PDE1A: variants seen among roughly 807,000 people sequenced by gnomAD.
The protein encoded by PDE1A is phosphodiesterase 1A, also known as dual specificity calcium/calmodulin-dependent 3',5'-cyclic nucleotide phosphodiesterase 1A.
In PDE1A, 35 loss-of-function variants were observed where a neutral mutation model predicts 61.7. The ratio of observed to expected loss-of-function variants is 0.57; its 90% CI spans 0.43 to 0.75. PDE1A has a LOEUF of 0.75. Ranked by LOEUF, PDE1A falls within the 30% of genes least tolerant of loss-of-function variation. The pLI is 0.00. For missense variants in PDE1A, 597 were observed against 630.6 expected, an observed-to-expected ratio of 0.95 and a Z score of 0.57; for synonymous variants, 232 against 213.2, an observed-to-expected ratio of 1.09 and a Z score of -0.77.
At chr2:182,142,525 C>G (rs1429485746), downstream of PDE1A, 1 of 152,192 alleles carries the variant, frequency 6.6e-6, no homozygotes, top group East Asian at 1.9e-4. Flanking sequence ...AGCATCCCAC[C>G]TGTCATTCTG....
At chr2:182,687,471 T>A in the PDE1A span, among the ~76,000 whole-genome samples, 1 of 151,952 alleles carries the variant, frequency 6.6e-6, no homozygotes, top group Non-Finnish European at 1.5e-5. Context: ...CAGCTGAGGG[T>A]CCTGACTGTT....
At chr2:182,609,501 C>A in the PDE1A span, among the ~76,000 whole-genome samples, 163 of 152,350 alleles carry the variant, frequency 1.1e-3, 1 homozygote, top group African/African-American at 3.6e-3. Flanking sequence ...TGAAGGTCTG[C>A]AGCCTCACTC....
intron 10 of PDE1A, among the ~76,000 whole-genome samples, chr2:182,199,419 A>T (rs1166074281): frequency 5.9e-5 from 9 of 151,796 alleles, no homozygotes; most frequent in Non-Finnish European, 8.8e-5. Flanking sequence ...TTTATTACAC[A>T]TTTTTTTTCT....
At chr2:182,310,026 A>T (rs2125943613) in intron 1 of PDE1A, among the ~76,000 whole-genome samples, 1 of 152,328 alleles carries the variant, frequency 6.6e-6, no homozygotes, top group South Asian at 2.1e-4. Context: ...TTATCAGAGT[A>T]ATTGAGGCAA....
At chr2:182,695,141 C>A in the PDE1A span, among the ~76,000 whole-genome samples, 3 of 152,032 alleles carry the variant, frequency 2.0e-5, no homozygotes, top group African/African-American at 7.2e-5. Flanking sequence ...AAAAGCCAAG[C>A]ATGGCTAGCC....
intron 1 of PDE1A, among the ~76,000 whole-genome samples, chr2:182,343,737 T>C (rs912312575): frequency 6.6e-6 from 1 of 152,194 alleles, no homozygotes; most frequent in African/African-American, 2.4e-5. Flanking sequence ...TTATATTTAG[T>C]AATTAAGATA....
At chr2:182,493,567 A>G (rs1688529379) in intron 2 of PDE1A, among the ~76,000 whole-genome samples, 1 of 152,158 alleles carries the variant, frequency 6.6e-6, no homozygotes, top group East Asian at 1.9e-4. Flanking sequence ...CAGCAATCCC[A>G]TTACTGGGTA....
chr2:182,453,182 A>G (rs1475690839), intron 2 of PDE1A, among the ~76,000 whole-genome samples: 1 of 152,120 alleles, frequency 6.6e-6, no homozygotes, highest in Non-Finnish European at 1.5e-5. Flanking sequence ...TGTCCACCTC[A>G]GCAAAGCATG....
In PDE1A at chr2:182,383,603, C is replaced by A. The variant is rs571513156; in HGVS notation, c.53+42975G>T. 7.6e-4 allele frequency among the ~76,000 whole-genome samples: 116 copies of A among 152,096 alleles called. 1 individual carries two copies. The highest frequency in any genetic ancestry group is 1.3e-3 in the Non-Finnish European group (91 of 68,010). ...GCCGACTGGAGAGAGGTAGGCAGAG[C>A]AAGATGGCAGAGTATGGCCCTCCAG... On this transcript the variant is annotated intron_variant, in intron 1 of 13. Coordinates refer to ENST00000351439, the Ensembl canonical transcript of PDE1A.
chr2:182,357,126 C>T (rs1699234663), intron 1 of PDE1A, among the ~76,000 whole-genome samples: 1 of 151,714 alleles, frequency 6.6e-6, no homozygotes, highest in African/African-American at 2.4e-5. Context: ...CACATGTATA[C>T]ATATGTAACA....
intron 7 of PDE1A, among the ~76,000 whole-genome samples, chr2:182,222,516 A>C (rs943137770): frequency 5.9e-5 from 9 of 152,034 alleles, no homozygotes; most frequent in African/African-American, 1.9e-4. Flanking sequence ...CCATAATGCA[A>C]AGAGTGAACC....
the PDE1A span, among the ~76,000 whole-genome samples, chr2:182,615,160 T>C: frequency 6.6e-6 from 1 of 152,230 alleles, no homozygotes; most frequent in Non-Finnish European, 1.5e-5. Flanking sequence ...CATTGTTACA[T>C]AAATTTCATT....
intron 2 of PDE1A, among the ~76,000 whole-genome samples, chr2:182,253,196 T>C (rs1691526981): frequency 6.6e-6 from 1 of 152,192 alleles, no homozygotes; most frequent in Admixed American, 6.5e-5. Flanking sequence ...ATGAAGAACA[T>C]GAATTTGGAG....
chr2:182,376,625 C>A (rs768330202), intron 1 of PDE1A, among the ~76,000 whole-genome samples: 2 of 152,202 alleles, frequency 1.3e-5, no homozygotes, highest in Non-Finnish European at 2.9e-5. Context: ...GCCTGTTACC[C>A]AGTTTCAAAG....
intron 13 of PDE1A, among the ~76,000 whole-genome samples, chr2:182,153,590 A>C (rs1690909638): frequency 6.6e-6 from 1 of 152,240 alleles, no homozygotes; most frequent in Non-Finnish European, 1.5e-5. Context: ...CTCTGAGAGC[A>C]GGGAGATGAT....
intron 1 of PDE1A, among the ~76,000 whole-genome samples, chr2:182,329,355 C>T (rs934288372): frequency 5.9e-5 from 9 of 152,054 alleles, no homozygotes; most frequent in African/African-American, 2.2e-4. Context: ...GAATCTCTGG[C>T]TGCCTTGAGA....
At chr2:182,325,611 C>T (rs1011200784) in intron 1 of PDE1A, among the ~76,000 whole-genome samples, 3 of 152,098 alleles carry the variant, frequency 2.0e-5, no homozygotes, top group Non-Finnish European at 4.4e-5. Flanking sequence ...ACTCCTGCAA[C>T]TTAACAACAC....
chr2:182,700,548 C>A, the PDE1A span, among the ~76,000 whole-genome samples: 1 of 151,536 alleles, frequency 6.6e-6, no homozygotes, highest in Non-Finnish European at 1.5e-5. Context: ...ACGGTGAAAC[C>A]CCATCTCTAC....
chr2:182,489,662 T>G (rs1688255772), intron 2 of PDE1A, among the ~76,000 whole-genome samples: 2 of 152,190 alleles, frequency 1.3e-5, no homozygotes, highest in Non-Finnish European at 2.9e-5. Flanking sequence ...TAGAAGCTTC[T>G]GGTACAAGAA....
Sources: allele counts gnomAD v4.1 joint callset (sites outside exome capture counted in the v4.1 genomes callset), GRCh38; gene constraint gnomAD v4.1.1; transcripts MANE v1.5; gene names NCBI Gene and HGNC (gene_info 2026-07-23, HGNC 2026-07-21).